The following VPS13D variants were observed in gnomAD, a reference collection of about 807,000 sequenced individuals.
The protein encoded by VPS13D is intermembrane lipid transfer protein VPS13D.
A neutral mutation model predicts 461.9 loss-of-function variants in VPS13D; 187 were observed. That is an observed-to-expected ratio of 0.40 (90% CI 0.36 to 0.46). The LOEUF (loss-of-function observed/expected upper bound fraction) is 0.46, where lower values mean the gene tolerates loss of function less well. Ranked by LOEUF, VPS13D falls within the 20% of genes least tolerant of loss-of-function variation. VPS13D has a pLI of 0.60. For missense variants in VPS13D, 4,711 were observed against 5,364.9 expected (o/e 0.88, Z 3.81); for synonymous variants, 1,951 against 1,986.3 (o/e 0.98, Z 0.47).
chr1:12,479,934 C>T (rs1385030720), intron 67 of VPS13D, among the ~76,000 whole-genome samples: 1 of 152,172 alleles, frequency 6.6e-6, no homozygotes, highest in African/African-American at 2.4e-5. Flanking sequence ...AACACAGAGA[C>T]AGTGTGAGGG....
At chr1:12,285,985 T>A (rs12128728) in intron 21 of VPS13D, among the ~76,000 whole-genome samples, 1 of 58,798 alleles carries the variant, frequency 1.7e-5, no homozygotes, top group African/African-American at 6.5e-5. Flanking sequence ...TTCCTTTCCT[T>A]TCCTTTCCTC....
At chr1:12,243,245 A>G (rs1461364966) in intron 3 of VPS13D, among the ~76,000 whole-genome samples, 3 of 151,874 alleles carry the variant, frequency 2.0e-5, no homozygotes, top group African/African-American at 7.3e-5. Flanking sequence ...GTGAGCCACC[A>G]TGCCTGGCCT....
At chr1:12,438,971 C>G (rs1402633139) in intron 65 of VPS13D, among the ~76,000 whole-genome samples, 1 of 152,098 alleles carries the variant, frequency 6.6e-6, no homozygotes, top group Non-Finnish European at 1.5e-5. Flanking sequence ...TGAACATATC[C>G]CTCCCGCGCC....
intron 33 of VPS13D, 86 bp from the exon 34 acceptor site, chr1:12,322,450 T>G: frequency 7.4e-7 from 1 of 1,349,864 alleles, no homozygotes; most frequent in East Asian, 2.3e-5. Flanking sequence ...CTTTTAGAAG[T>G]TGAAATAGGA....
chr1:12,255,728 T>C (rs1025258432), intron 7 of VPS13D, among the ~76,000 whole-genome samples: 1 of 151,188 alleles, frequency 6.6e-6, no homozygotes, highest in African/African-American at 2.4e-5. Flanking sequence ...CCATCTGTAC[T>C]AAAAATAAAA....
At chr1:12,288,346 GC>G (rs1642031717) in intron 22 of VPS13D, 33 bp downstream of exon 22, 2 of 1,580,730 alleles carry the variant, frequency 1.3e-6, no homozygotes, top group African/African-American at 1.3e-5. Context: ...AAGCAAACTT[GC>G]AAAATCTGGT....
chr1:12,255,262 C>T (rs966414960), intron 7 of VPS13D, among the ~76,000 whole-genome samples: 12 of 152,048 alleles, frequency 7.9e-5, no homozygotes, highest in African/African-American at 1.7e-4. Flanking sequence ...TGTTTTAATT[C>T]GATTACATAA....
intron 65 of VPS13D, among the ~76,000 whole-genome samples, chr1:12,435,435 T>TG (rs774677149): frequency 1.1e-4 from 17 of 152,198 alleles, no homozygotes; most frequent in Non-Finnish European, 2.2e-4. Flanking sequence ...CATTCCAGCC[T>TG]GGGTGACAGA....
At chr1:12,353,424 T>C (rs1643851387) in intron 46 of VPS13D, among the ~76,000 whole-genome samples, 1 of 149,894 alleles carries the variant, frequency 6.7e-6, no homozygotes. Flanking sequence ...TCCCAGCTAC[T>C]CGGAAGGCTG....
chr1:12,262,972 A>G (rs907870868), intron 13 of VPS13D, among the ~76,000 whole-genome samples: 11 of 152,104 alleles, frequency 7.2e-5, no homozygotes, highest in Non-Finnish European at 1.3e-4. Context: ...CCAAAGTGCC[A>G]GGATTACAGG....
intron 12 of VPS13D, among the ~76,000 whole-genome samples, chr1:12,261,662 C>T (rs1039134306): frequency 7.9e-5 from 12 of 152,212 alleles, no homozygotes; most frequent in African/African-American, 2.9e-4. Flanking sequence ...TATACCATCC[C>T]TTATCATGAA....
Position 12,283,375 on chromosome 1 carries a change from A to G in VPS13D, c.5273A>G (p.Tyr1758Cys), listed in dbSNP as rs767033394. The change falls in exon 21 of 70, where the codon TAT becomes TGT. Residue 1758 changes from tyrosine (Y) to cysteine (C), a missense_variant. Tyr to Cys is a radical substitution (Grantham distance 194, BLOSUM62 -2). This residue lies in a region of VPS13D where 4,411 missense variants were observed against 4,937.8 expected (regional missense o/e 0.89). Coordinates refer to ENST00000620676, the MANE Select transcript of VPS13D (RefSeq NM_015378.4). Reference protein sequence around the residue: ...KKQKEVQDKDYPLTPPPSPTV... With the variant: ...KKQKEVQDKDCPLTPPPSPTV... ...CAAAAGGAAGTCCAAGACAAGGACT[A>G]TCCCTTGACCCCACCTCCTTCTCCA... is the stretch of plus-strand genomic sequence containing the variant. The G allele has an allele frequency of 1.2e-6, 2 of 1,614,224 alleles. No homozygotes were observed. Among genetic ancestry groups the G allele is most frequent in the South Asian group, 1.1e-5 (1 of 91,084 alleles).
intron 39 of VPS13D, 160 bp downstream of exon 39, chr1:12,335,987 T>C: frequency 9.4e-7 from 1 of 1,061,738 alleles, no homozygotes; most frequent in Non-Finnish European, 1.3e-6. Context: ...AGGAGACAGT[T>C]TTCTGGCATG....
intron 29 of VPS13D, among the ~76,000 whole-genome samples, chr1:12,312,504 T>A (rs1314147806): frequency 1.3e-5 from 2 of 152,144 alleles, no homozygotes; most frequent in Admixed American, 1.3e-4. Context: ...AGGCCTGTAG[T>A]CCCAGCACTT....
At chr1:12,320,013 G>A (rs535855549) in intron 32 of VPS13D, among the ~76,000 whole-genome samples, 2 of 152,326 alleles carry the variant, frequency 1.3e-5, no homozygotes, top group East Asian at 3.9e-4. Flanking sequence ...TCCTCACCTG[G>A]AGTGCAGCCC....
At chr1:12,489,744 G>A (rs1259043464) in intron 67 of VPS13D, among the ~76,000 whole-genome samples, 2 of 152,116 alleles carry the variant, frequency 1.3e-5, no homozygotes, top group African/African-American at 2.4e-5. Context: ...GCATTTTATC[G>A]AGTGCCTATT....
intron 54 of VPS13D, among the ~76,000 whole-genome samples, chr1:12,373,167 C>CTAGA (rs1644148710): frequency 7.5e-6 from 1 of 133,200 alleles, no homozygotes; most frequent in African/African-American, 2.9e-5. Context: ...GTCACCCAGG[C>CTAGA]TAGAGTGTAG....
In VPS13D at chr1:12,473,255, C is replaced by T. The variant is rs1315935440; in HGVS notation, c.12662+12859C>T. Among the ~76,000 whole-genome samples, 8 of 152,160 alleles carry T rather than the reference C, an allele frequency of 5.3e-5. No individual in the cohort carries two copies. The South Asian group carries it at 1.7e-3, about 31-fold the overall frequency. On this transcript the variant is annotated intron_variant, in intron 67 of 69. Transcript: ENST00000620676. This position sits in a 1 kb window ranked among gnomAD's most constrained non-coding sequence, Gnocchi z 4.2. ...AGAGGTCTTTCTTCAAAGAGAAGCG[C>T]TTGTTTCAGAAAAAGATGTGGAAAG... is the stretch of plus-strand genomic sequence containing the variant.
Position 12,378,530 on chromosome 1 carries a change from C to G in VPS13D, c.11020C>G (p.Arg3674Gly). 6.2e-7 allele frequency: 1 copy of G among 1,611,584 alleles called. No homozygotes were observed. Among genetic ancestry groups the G allele is most frequent in the Non-Finnish European group, 8.5e-7 (1 of 1,178,934 alleles). The stretch of plus-strand genomic sequence containing the variant: ...CAATCCCAATAAGCCCTCAGCCGCC[C>G]GCTCCACCGAGGGGTCTGCCATCTT... ...PHNPNKPSAA[R>G]STEGSAILDI... Residue 3674 changes from arginine to glycine, a missense_variant, in exon 56 of 70, where the codon CGC becomes GGC. Transcript: ENST00000620676.
Sources: allele counts gnomAD v4.1 joint callset (sites outside exome capture counted in the v4.1 genomes callset), GRCh38; gene constraint gnomAD v4.1.1; regional missense constraint gnomAD v4.1.1; non-coding constraint Gnocchi (gnomAD v3.1); transcripts MANE v1.5; gene names NCBI Gene and HGNC (gene_info 2026-07-23, HGNC 2026-07-21).